Variants in THSD7B observed in about 807,000 individuals in gnomAD.
THSD7B encodes thrombospondin type-1 domain-containing protein 7B.
Under a neutral mutation model 213.6 loss-of-function variants are expected in THSD7B, and 138 were observed. The observed-to-expected ratio is 0.65, with a 90% CI of 0.56 to 0.74. The LOEUF is 0.74. Among genes scored for constraint, THSD7B ranks in the 30% least tolerant of loss-of-function variants. The pLI is 0.00. For synonymous variants in THSD7B, 742 were observed against 687.0 expected, an observed-to-expected ratio of 1.08 and a Z score of -1.25; for missense variants, 1,931 against 1,991.5, an observed-to-expected ratio of 0.97 and a Z score of 0.58.
At chr2:137,350,653 G>A (rs1684993660) in intron 12 of THSD7B, among the ~76,000 whole-genome samples, 1 of 151,398 alleles carries the variant, frequency 6.6e-6, no homozygotes, top group Non-Finnish European at 1.5e-5. Flanking sequence ...TGTGGAGAAT[G>A]AGGTGGGGAG....
rs770348414 is a variant in THSD7B, at chr2:137,275,998, A to C, written c.2472A>C (p.Glu824Asp). 2.5e-6 allele frequency: 4 copies of C among 1,612,102 alleles called. No homozygotes were observed. The highest frequency in any genetic ancestry group is 1.7e-4 in the Middle Eastern group (1 of 6,040). Reference protein sequence around the residue: ...SVWQGITGSSEACGKGLQTRA... With the variant: ...SVWQGITGSSDACGKGLQTRA... Reference sequence around the variant, plus strand: ...GGCAGGGAATAACGGGCAGCAGTGAAGCCTGTGGAAAGGGGTTACAAACAA... The same window carrying C: ...GGCAGGGAATAACGGGCAGCAGTGACGCCTGTGGAAAGGGGTTACAAACAA... Residue 824 changes from glutamate to aspartate, a missense_variant, in exon 12 of 28, where the codon GAA (glutamate) becomes GAC (aspartate). By Grantham distance (45) the Glu-to-Asp change is conservative (BLOSUM62 2). Transcript: ENST00000409968.
intron 7 of THSD7B, among the ~76,000 whole-genome samples, chr2:137,193,337 G>A (rs979512327): frequency 6.6e-6 from 1 of 152,102 alleles, no homozygotes; most frequent in Admixed American, 6.5e-5. Context: ...TTTATGAGGT[G>A]CAAATTGATG....
intron 2 of THSD7B, among the ~76,000 whole-genome samples, chr2:136,941,606 G>C (rs1428967094): frequency 6.6e-6 from 1 of 152,178 alleles, no homozygotes; most frequent in East Asian, 1.9e-4. Context: ...CTGGTGACCG[G>C]TGATGATGAG....
intron 3 of THSD7B, among the ~76,000 whole-genome samples, chr2:137,086,506 C>A (rs1189505991): frequency 6.6e-6 from 1 of 152,194 alleles, no homozygotes; most frequent in Non-Finnish European, 1.5e-5. Flanking sequence ...TATAAAGATG[C>A]TGTGATGCAT....
intron 5 of THSD7B, among the ~76,000 whole-genome samples, chr2:137,117,844 T>TCTCC (rs1688471385): frequency 6.6e-6 from 1 of 152,180 alleles, no homozygotes; most frequent in East Asian, 1.9e-4. Context: ...CTCCCAAAGG[T>TCTCC]CTCCAGATCT....
At chr2:136,945,461 T>C (rs1684920553) in intron 2 of THSD7B, among the ~76,000 whole-genome samples, 1 of 152,220 alleles carries the variant, frequency 6.6e-6, no homozygotes, top group Non-Finnish European at 1.5e-5. Context: ...GGGTTGCTCT[T>C]CTTGAGGAGT....
At chr2:137,042,056 G>T (rs1194443946) in intron 2 of THSD7B, among the ~76,000 whole-genome samples, 1 of 152,138 alleles carries the variant, frequency 6.6e-6, no homozygotes, top group African/African-American at 2.4e-5. Flanking sequence ...TCATGTCTCA[G>T]GACTTTAACA....
chr2:137,160,451 C>A, intron 6 of THSD7B, 83 bp downstream of exon 6: 1 of 1,502,928 alleles, frequency 6.7e-7, no homozygotes, highest in Non-Finnish European at 9.0e-7. Flanking sequence ...ATTAAGCCTG[C>A]TTAAGACAAT....
chr2:137,647,077 T>C (rs937691953), intron 21 of THSD7B, among the ~76,000 whole-genome samples: 2 of 152,188 alleles, frequency 1.3e-5, no homozygotes, highest in Non-Finnish European at 2.9e-5. Context: ...CTGCTGTCAC[T>C]GTACCCTGGC....
chr2:136,840,022 G>C (rs1682899256), intron 1 of THSD7B, among the ~76,000 whole-genome samples: 1 of 152,094 alleles, frequency 6.6e-6, no homozygotes, highest in African/African-American at 2.4e-5. Context: ...GTTTAGTAAA[G>C]GAAATAGATA....
chr2:137,404,996 A>T (rs895017572), intron 12 of THSD7B, among the ~76,000 whole-genome samples: 4 of 152,124 alleles, frequency 2.6e-5, no homozygotes, highest in African/African-American at 9.7e-5. Flanking sequence ...CCAATAACTT[A>T]TGGAAAAATA....
chr2:137,324,874 C>T (rs1364169948), intron 12 of THSD7B, among the ~76,000 whole-genome samples: 2 of 152,316 alleles, frequency 1.3e-5, no homozygotes, highest in East Asian at 1.9e-4. Context: ...GGACCTTTCT[C>T]CCAGGAGGAA....
intron 7 of THSD7B, among the ~76,000 whole-genome samples, chr2:137,181,365 A>G (rs1680452289): frequency 6.6e-6 from 1 of 152,208 alleles, no homozygotes; most frequent in Non-Finnish European, 1.5e-5. Flanking sequence ...AAAATTCGAT[A>G]CACCAAAGTG....
At chr2:137,596,971 C>T (rs531361127) in intron 17 of THSD7B, among the ~76,000 whole-genome samples, 3 of 152,192 alleles carry the variant, frequency 2.0e-5, no homozygotes, top group Admixed American at 2.0e-4. Context: ...GATACAACCA[C>T]ATGTGGTGAT....
chr2:137,273,495 A>G (rs1682797749), intron 11 of THSD7B, among the ~76,000 whole-genome samples: 1 of 152,114 alleles, frequency 6.6e-6, no homozygotes, highest in African/African-American at 2.4e-5. Flanking sequence ...TCTTAAAAAT[A>G]ATATAGGTTT....
chr2:137,004,709 C>T (rs969055036), intron 2 of THSD7B, among the ~76,000 whole-genome samples: 2 of 152,082 alleles, frequency 1.3e-5, no homozygotes, highest in African/African-American at 4.8e-5. Context: ...AATCAGATAG[C>T]TATTGGACAT....
chr2:136,979,299 C>T (rs184262789), intron 2 of THSD7B, among the ~76,000 whole-genome samples: 1 of 151,912 alleles, frequency 6.6e-6, no homozygotes, highest in Non-Finnish European at 1.5e-5. Flanking sequence ...GAATACCTTA[C>T]TGTGGTTCTC....
intron 10 of THSD7B, among the ~76,000 whole-genome samples, chr2:137,244,334 A>T (rs2105067087): frequency 6.6e-6 from 1 of 152,310 alleles, no homozygotes; most frequent in Middle Eastern, 3.4e-3. Context: ...AAGAGACTGG[A>T]TTTAAGAGAA....
At position 137,283,483 on chromosome 2, in the gene THSD7B, C is replaced by G. The variant is rs534915715; in HGVS notation, c.2500+7457C>G. Among the ~76,000 whole-genome samples, 1,308 of 152,214 alleles carry G rather than the reference C, an allele frequency of 8.6e-3. 24 individuals carry two copies. Among genetic ancestry groups the G allele is most frequent in the African/African-American group, 0.03 (1,256 of 41,538 alleles). On this transcript the variant is annotated intron_variant, in intron 12 of 27. Coordinates refer to ENST00000409968, the MANE Select transcript of THSD7B (RefSeq NM_001316349.2). ...GGCATCCCTGTCTTGTGCCAGTTTT[C>G]AAAGGGAATGCTTCCAGTTTTTGTC...
Sources: allele counts gnomAD v4.1 joint callset (sites outside exome capture counted in the v4.1 genomes callset), GRCh38; gene constraint gnomAD v4.1.1; transcripts MANE v1.5; gene names NCBI Gene and HGNC (gene_info 2026-07-23, HGNC 2026-07-21).